The following FBXO7 variants were observed in gnomAD, a reference collection of about 807,000 sequenced individuals.
The protein encoded by FBXO7 is F-box protein 7.
A neutral mutation model predicts 50.2 loss-of-function variants in FBXO7; 31 were observed. The observed-to-expected ratio is 0.62, with a 90% CI of 0.46 to 0.83. The LOEUF (loss-of-function observed/expected upper bound fraction) is 0.83, where lower values mean the gene tolerates loss of function less well. Ranked by LOEUF, FBXO7 falls within the 40% of genes least tolerant of loss-of-function variation. The pLI is 0.00. For missense variants in FBXO7, 667 were observed against 646.6 expected (o/e 1.03, Z -0.34); for synonymous variants, 256 against 253.1 (o/e 1.01, Z -0.11).
At chr22:32,476,387 A>G (rs1202372129) in intron 1 of FBXO7, among the ~76,000 whole-genome samples, 1 of 152,108 alleles carries the variant, frequency 6.6e-6, no homozygotes. Context: ...ATTACCAAGT[A>G]TATATATATT....
intron 8 of FBXO7, among the ~76,000 whole-genome samples, chr22:32,496,287 C>T (rs368590503): frequency 6.6e-6 from 1 of 152,164 alleles, no homozygotes; most frequent in Non-Finnish European, 1.5e-5. Flanking sequence ...TGGAGACCAT[C>T]TTGGCTAACA....
rs879073633 is a variant in FBXO7, at chr22:32,483,831, G to T, written c.418-66G>T. 2.8e-6 allele frequency: 4 copies of T among 1,439,720 alleles called. No homozygotes were observed. In the South Asian group the frequency reaches 3.5e-5, roughly 13 times the overall value. 89.2% of individuals were successfully genotyped at this position (1,439,720 alleles called of 1,614,324 possible). On this transcript the variant is annotated intron_variant, in intron 2 of 8. Coordinates refer to ENST00000266087, the MANE Select transcript of FBXO7 (RefSeq NM_012179.4). The stretch of plus-strand genomic sequence containing the variant: ...ACTTTCAGCACTTAGTTCACTTTAG[G>T]ATACAAAAATGTATAGTGTAAAAAT...
chr22:32,495,362 T>C (rs2057566499), intron 7 of FBXO7, 131 bp from the exon 8 acceptor site: 13 of 603,632 alleles, frequency 2.2e-5, no homozygotes, highest in Non-Finnish European at 3.8e-5. Flanking sequence ...GTTATATAAA[T>C]GGTTAGTTTT....
In FBXO7 at chr22:32,478,971, T is replaced by C; in HGVS notation, c.123-10T>C. On this transcript the variant is annotated splice_polypyrimidine_tract_variant and intron_variant, in intron 1 of 8. Coordinates refer to ENST00000266087, the MANE Select transcript of FBXO7 (RefSeq NM_012179.4). Reference sequence around the variant, plus strand: ...TAGTTCTTACTATGCTTATCTGTCTTTCTTGGCAGTTCTAATACCCGATTT... The same window carrying C: ...TAGTTCTTACTATGCTTATCTGTCTCTCTTGGCAGTTCTAATACCCGATTT... The C allele has an allele frequency of 6.2e-7, 1 of 1,613,966 alleles. No individual in the cohort carries two copies. Among genetic ancestry groups the C allele is most frequent in the Non-Finnish European group, 8.5e-7 (1 of 1,179,806 alleles).
intron 7 of FBXO7, among the ~76,000 whole-genome samples, chr22:32,494,127 A>G (rs1177427006): frequency 7.0e-6 from 1 of 143,422 alleles, no homozygotes; most frequent in Non-Finnish European, 1.5e-5. Context: ...AAAAAAAAAA[A>G]GAATATCATG....
intron 8 of FBXO7, among the ~76,000 whole-genome samples, chr22:32,496,665 T>G (rs1666691266): frequency 1.3e-5 from 2 of 152,254 alleles, no homozygotes; most frequent in Non-Finnish European, 1.5e-5. Flanking sequence ...CTACTGCTCA[T>G]TGACAATGCA....
chr22:32,487,701 G>T, intron 4 of FBXO7, 44 bp from the exon 5 acceptor site: 1 of 1,266,144 alleles, frequency 7.9e-7, no homozygotes, highest in South Asian at 1.2e-5. Context: ...GGCAGTTGAT[G>T]AAGTGACAGA....
chr22:32,476,504 G>A (rs1210406482), intron 1 of FBXO7, among the ~76,000 whole-genome samples: 1 of 152,138 alleles, frequency 6.6e-6, no homozygotes, highest in South Asian at 2.1e-4. Flanking sequence ...GTTGAGGCTG[G>A]TTACCTGGAC....
At chr22:32,478,804 A>G (rs2057444564) in intron 1 of FBXO7, among the ~76,000 whole-genome samples, 177 bp from the exon 2 acceptor site, 1 of 152,160 alleles carries the variant, frequency 6.6e-6, no homozygotes, top group African/African-American at 2.4e-5. Context: ...AGGCTGAGGC[A>G]GGAGGATTGC....
chr22:32,484,086 A>C lies in FBXO7; in HGVS notation c.607A>C (p.Ile203Leu), dbSNP rs1403060608. Residue 203 changes from isoleucine to leucine, a missense_variant, in exon 3 of 9, where the codon ATA becomes CTA. Coordinates refer to ENST00000266087, the MANE Select transcript of FBXO7 (RefSeq NM_012179.4). ...SDANDALIVL[I>L]HLLMLESGYI... ...TGCCAATGATGCCTTGATAGTGTTG[A>C]TACATCTTCTCATGTTGGAGTCAGG... 1 of 1,614,140 alleles carries C rather than the reference A, an allele frequency of 6.2e-7. No homozygotes were observed. Among genetic ancestry groups the C allele is most frequent in the Admixed American group, 1.7e-5 (1 of 60,010 alleles).
intron 5 of FBXO7, 88 bp downstream of exon 5, chr22:32,487,916 A>G (rs2057509533): frequency 2.4e-6 from 2 of 832,024 alleles, no homozygotes; most frequent in Admixed American, 4.2e-5. Flanking sequence ...CAAAAGACTG[A>G]AAATTTCTAT....
intron 1 of FBXO7, chr22:32,475,384 C>G (rs755579825): frequency 6.2e-7 from 1 of 1,611,546 alleles, no homozygotes; most frequent in Non-Finnish European, 8.5e-7. Context: ...CCCGGGGGCT[C>G]TGGTCCCCTC....
Position 32,493,885 on chromosome 22 carries a change from C to A in FBXO7, c.1144+604C>A, listed in dbSNP as rs182948685. On this transcript the variant is annotated intron_variant, in intron 7 of 8. Coordinates refer to ENST00000266087, the MANE Select transcript of FBXO7 (RefSeq NM_012179.4). ...TTTAATGGGTCATGTTACAAAAAAACAAAACCCACAATGGAAAAATCCATA... is the reference window on the plus strand; with the variant it reads ...TTTAATGGGTCATGTTACAAAAAAAAAAAACCCACAATGGAAAAATCCATA... 1.4e-3 allele frequency among the ~76,000 whole-genome samples: 216 copies of A among 151,670 alleles called. 1 individual carries two copies. In the East Asian group the frequency reaches 0.039, roughly 27 times the overall value.
intron 7 of FBXO7, among the ~76,000 whole-genome samples, 163 bp downstream of exon 7, chr22:32,493,444 A>G (rs1398518448): frequency 1.3e-5 from 2 of 152,194 alleles, no homozygotes; most frequent in Non-Finnish European, 2.9e-5. Context: ...CTGTGTCCCT[A>G]AAACTCTCTC....
intron 4 of FBXO7, among the ~76,000 whole-genome samples, chr22:32,485,468 G>T (rs183741340): frequency 6.6e-6 from 1 of 151,962 alleles, no homozygotes; most frequent in Non-Finnish European, 1.5e-5. Flanking sequence ...TTTTGCTCTG[G>T]GGGATAATAT....
Position 32,474,990 on chromosome 22 carries a change from G to T in FBXO7, c.-13G>T, listed in dbSNP as rs779932728. ...CTTCCGGGTCCAGGCCCCTCGGGCC[G>T]CCTGCCGCCGTCATGAGGCTGCGGG... is the stretch of plus-strand genomic sequence containing the variant. On this transcript the variant is annotated 5_prime_UTR_variant, in exon 1 of 9. Transcript: ENST00000266087. 1.3e-5 allele frequency: 20 copies of T among 1,531,610 alleles called. No individual in the cohort carries two copies. The highest frequency in any genetic ancestry group is 2.3e-4 in the Middle Eastern group (1 of 4,386). The allele number at this position is 1,531,610 out of a possible 1,614,324, so 94.9% of individuals were successfully genotyped here.
At chr22:32,497,228 A>T (rs1013296208) in intron 8 of FBXO7, among the ~76,000 whole-genome samples, 1 of 152,008 alleles carries the variant, frequency 6.6e-6, no homozygotes, top group Non-Finnish European at 1.5e-5. Flanking sequence ...TTTAGTGGTG[A>T]TTTCTGAGAT....
At chr22:32,498,082 C>G (rs1358988215) in intron 8 of FBXO7, 62 bp from the exon 9 acceptor site, 43 of 1,567,756 alleles carry the variant, frequency 2.7e-5, no homozygotes, top group Non-Finnish European at 3.8e-5. Flanking sequence ...CAAATTAGAA[C>G]TAAAGGGAAA....
At position 32,474,982 on chromosome 22, in the gene FBXO7, C is replaced by G. The variant is rs1162769291; in HGVS notation, c.-21C>G. 1 of 1,530,440 alleles carries G rather than the reference C, an allele frequency of 6.5e-7. No individual in the cohort carries two copies. Among genetic ancestry groups the G allele is most frequent in the East Asian group, 2.5e-5 (1 of 40,072 alleles). The allele number at this position is 1,530,440 out of a possible 1,614,324, so 94.8% of individuals were successfully genotyped here. On this transcript the variant is annotated 5_prime_UTR_variant, in exon 1 of 9. Transcript: ENST00000266087. ...CGTCGCCGCTTCCGGGTCCAGGCCC[C>G]TCGGGCCGCCTGCCGCCGTCATGAG...
Sources: allele counts gnomAD v4.1 joint callset (sites outside exome capture counted in the v4.1 genomes callset), GRCh38; gene constraint gnomAD v4.1.1; transcripts MANE v1.5; gene names NCBI Gene and HGNC (gene_info 2026-07-23, HGNC 2026-07-21).